Variants in HEATR1 observed in about 807,000 individuals in gnomAD.
The protein encoded by HEATR1 is HEAT repeat-containing protein 1.
A neutral mutation model predicts 248.2 loss-of-function variants in HEATR1; 77 were observed. The ratio of observed to expected loss-of-function variants is 0.31; its 90% confidence interval spans 0.26 to 0.37. The LOEUF is 0.37. Among genes scored for constraint, HEATR1 ranks in the 10% least tolerant of loss-of-function variants. The pLI is 1.00. For missense variants in HEATR1, 2,420 were observed against 2,504.9 expected, an observed-to-expected ratio of 0.97 and a Z score of 0.72; for synonymous variants, 897 against 923.1, an observed-to-expected ratio of 0.97 and a Z score of 0.51.
intron 41 of HEATR1, 85 bp downstream of exon 41, chr1:236,555,211 T>G: frequency 7.1e-7 from 1 of 1,407,880 alleles, no homozygotes; most frequent in Non-Finnish European, 9.7e-7. Context: ...AAAATCTTGC[T>G]TCCAAGCACT....
At chr1:236,551,011 T>C in intron 44 of HEATR1, 21 bp from the exon 45 acceptor site, 2 of 1,383,968 alleles carry the variant, frequency 1.4e-6, no homozygotes, top group Non-Finnish European at 9.7e-7. Flanking sequence ...AAAAAAAAAA[T>C]CAAAATTAAA....
chr1:236,565,766 T>A (rs560230386), intron 31 of HEATR1, among the ~76,000 whole-genome samples, 153 bp downstream of exon 31: 2 of 152,328 alleles, frequency 1.3e-5, no homozygotes, highest in East Asian at 1.9e-4. Context: ...TCCGACTATT[T>A]TCCATAAGGA....
chr1:236,596,338 T>C (rs1405230009), intron 6 of HEATR1, among the ~76,000 whole-genome samples: 2 of 152,108 alleles, frequency 1.3e-5, no homozygotes, highest in East Asian at 1.9e-4. Context: ...ATCCTACTTA[T>C]AGTAGGGAGA....
In HEATR1 at chr1:236,585,120, A is replaced by T; in HGVS notation, c.2146T>A (p.Ser716Thr). The T allele has an allele frequency of 6.2e-7, 1 of 1,613,936 alleles. No individual in the cohort carries two copies. Among genetic ancestry groups the T allele is most frequent in the Non-Finnish European group, 8.5e-7 (1 of 1,179,802 alleles). ...GGAAAGTGGGTTTCTTTTAAAGATG[A>T]ACAACAAGAGACGAGCACAGACAGG... ...VILSVLVSCC[S>T]SLKETHFPFA... Residue 716 changes from serine (S) to threonine (T), a missense_variant, in exon 17 of 45, where the codon TCA (serine) becomes ACA (threonine). By Grantham distance (58) the Ser-to-Thr change is moderately conservative. Coordinates refer to ENST00000366582, the MANE Select transcript of HEATR1 (RefSeq NM_018072.6).
intron 39 of HEATR1, 74 bp from the exon 40 acceptor site, chr1:236,555,729 C>A (rs1235946221): frequency 6.9e-6 from 11 of 1,605,718 alleles, no homozygotes; most frequent in East Asian, 2.2e-5. Flanking sequence ...ACCACTGTTA[C>A]ACGGCTAGAT....
chr1:236,574,172 A>T (rs772405300), intron 24 of HEATR1, 30 bp downstream of exon 24: 6 of 1,561,790 alleles, frequency 3.8e-6, no homozygotes, highest in African/African-American at 1.4e-5. Context: ...AAACATTAAT[A>T]AAAAAAATTA....
chr1:236,577,483 A>G (rs901418496), intron 20 of HEATR1, among the ~76,000 whole-genome samples: 6 of 119,964 alleles, frequency 5.0e-5, no homozygotes, highest in Non-Finnish European at 1.0e-4. Flanking sequence ...TCCAAATTAC[A>G]TCATTCTTTT....
intron 20 of HEATR1, 81 bp downstream of exon 20, chr1:236,581,138 TATA>T: frequency 8.2e-7 from 1 of 1,220,402 alleles, no homozygotes; most frequent in Non-Finnish European, 1.2e-6. Context: ...TTTTTTAAGT[TATA>T]ATTTTCCAAA....
Position 236,586,373 on chromosome 1 carries a change from C to A in HEATR1, c.1795G>T (p.Val599Leu), listed in dbSNP as rs764744234. 1 of 1,613,146 alleles carries A rather than the reference C, an allele frequency of 6.2e-7. No homozygotes were observed. ...LSENDQLSNQVVVCLLPFMVI... is the reference protein window; with the variant it reads ...LSENDQLSNQLVVCLLPFMVI... ...ATAAATGGCAGCAAACATACAACCACCTGATTTGACAACTGATCATTTTCA... is the reference window on the plus strand; with the variant it reads ...ATAAATGGCAGCAAACATACAACCAACTGATTTGACAACTGATCATTTTCA... Residue 599 changes from valine (V) to leucine (L), a missense_variant, in exon 15 of 45, where the codon GTG becomes TTG. Coordinates refer to ENST00000366582, the MANE Select transcript of HEATR1 (RefSeq NM_018072.6).
intron 8 of HEATR1, 42 bp downstream of exon 8, chr1:236,595,498 A>G: frequency 6.5e-7 from 1 of 1,535,534 alleles, no homozygotes; most frequent in Middle Eastern, 1.7e-4. Flanking sequence ...TTTAAGATCA[A>G]ATCTTAGAAA....
At chr1:236,564,998 A>G (rs1254695868) in intron 31 of HEATR1, among the ~76,000 whole-genome samples, 1 of 152,248 alleles carries the variant, frequency 6.6e-6, no homozygotes, top group Non-Finnish European at 1.5e-5. Context: ...TGTCTAATGT[A>G]AATGGGGTTG....
Position 236,553,850 on chromosome 1 carries a change from CA to C in HEATR1, c.6079-112del. On this transcript the variant is annotated intron_variant, in intron 42 of 44. Transcript: ENST00000366582. ...CTATCTTTCATGATATTAGCAGGTT[CA>C]AAAACCAGGCATTATTCTAATACTC... The C allele has an allele frequency of 2.6e-6, 3 of 1,163,844 alleles. 1 individual carries two copies. The allele number at this position is 1,163,844 out of a possible 1,614,324, so 72.1% of individuals were successfully genotyped here. A position where few individuals can be genotyped will look rare whatever the true frequency, so the allele number is the denominator to read the frequency against.
chr1:236,590,801 C>T (rs753109839), intron 12 of HEATR1, 46 bp downstream of exon 12: 3 of 975,016 alleles, frequency 3.1e-6, no homozygotes, highest in Non-Finnish European at 4.4e-6. Context: ...TTACACTGCT[C>T]ATCATAAGAA....
intron 32 of HEATR1, among the ~76,000 whole-genome samples, chr1:236,563,448 A>AT (rs996010070): frequency 2.6e-5 from 4 of 151,656 alleles, no homozygotes; most frequent in Non-Finnish European, 5.9e-5. Context: ...CGCCCGGCTA[A>AT]TTTTTTGTAT....
In HEATR1 at chr1:236,565,856, A is replaced by G. The variant is rs955964543; in HGVS notation, c.4435+63T>C. 7.3e-6 allele frequency: 11 copies of G among 1,510,828 alleles called. No individual in the cohort carries two copies. The African/African-American group carries it at 1.3e-4, about 17-fold the overall frequency. 93.6% of individuals were successfully genotyped at this position (1,510,828 alleles called of 1,614,324 possible). A position where few individuals can be genotyped will look rare whatever the true frequency, so the allele number is the denominator to read the frequency against. ...TGAAGATGTACTAAGGATAACCTGC[A>G]TTCTCTTCTGTTTCTCTTTAGCTTT... On this transcript the variant is annotated intron_variant, in intron 31 of 44. Transcript: ENST00000366582.
chr1:236,566,561 T>C (rs979316995), intron 30 of HEATR1, 85 bp downstream of exon 30: 19 of 971,298 alleles, frequency 2.0e-5, no homozygotes, highest in Non-Finnish European at 3.0e-5. Flanking sequence ...TTAGGCATCA[T>C]CAGCCCCATG....
intron 9 of HEATR1, among the ~76,000 whole-genome samples, chr1:236,593,290 T>G (rs1386783222): frequency 6.6e-6 from 1 of 151,562 alleles, no homozygotes; most frequent in Admixed American, 6.6e-5. Context: ...AGCCCTTCTG[T>G]GCCACAGAGT....
rs752249631 is a variant in HEATR1, at chr1:236,592,012, G to A, written c.1403C>T (p.Thr468Ile). The change falls in exon 11 of 45, where the codon ACA (threonine) becomes ATA (isoleucine). Residue 468 changes from threonine to isoleucine, a missense_variant. Transcript: ENST00000366582. ...ACATACCTGATACTTTCCTCCACTTGTAGAAAGAGAAACAAACTGATGGAA... is the reference window on the plus strand; with the variant it reads ...ACATACCTGATACTTTCCTCCACTTATAGAAAGAGAAACAAACTGATGGAA... ...ELFHQFVSLS[T>I]SGGKYQFLAD... The A allele has an allele frequency of 1.3e-6, 2 of 1,596,906 alleles. No individual in the cohort carries two copies. Among genetic ancestry groups the A allele is most frequent in the South Asian group, 1.1e-5 (1 of 89,580 alleles).
At chr1:236,593,953 G>T in intron 9 of HEATR1, 59 bp downstream of exon 9, 2 of 1,164,544 alleles carry the variant, frequency 1.7e-6, no homozygotes, top group South Asian at 1.4e-5. Context: ...AACCAATCTT[G>T]AAAATTATAC....
Sources: gnomAD v4.1 joint callset for allele counts (sites outside exome capture counted in the v4.1 genomes callset) on GRCh38, gnomAD v4.1.1 for gene constraint, MANE v1.5 for transcripts, NCBI Gene and HGNC (gene_info 2026-07-23, HGNC 2026-07-21) for gene names.